The following PTPRM variants were observed in gnomAD, a reference collection of about 807,000 sequenced individuals.
The protein encoded by PTPRM is protein tyrosine phosphatase receptor type M.
PTPRM carries 47 observed loss-of-function variants against 186.7 expected under a neutral mutation model. The ratio of observed to expected loss-of-function variants is 0.25; its 90% confidence interval spans 0.20 to 0.32. PTPRM has a LOEUF of 0.32. Ranked by LOEUF, PTPRM falls within the 10% of genes least tolerant of loss-of-function variation. The pLI, the probability that PTPRM is intolerant of heterozygous loss-of-function variation, is 1.00. For synonymous variants in PTPRM, 668 were observed against 674.9 expected, an observed-to-expected ratio of 0.99 and a Z score of 0.16; for missense variants, 1,494 against 1,865.0, an observed-to-expected ratio of 0.80 and a Z score of 3.66.
intron 7 of PTPRM, among the ~76,000 whole-genome samples, chr18:8,036,161 G>T (rs185445114): frequency 1.3e-5 from 2 of 152,210 alleles, no homozygotes; most frequent in Non-Finnish European, 2.9e-5. Context: ...CTCACATGGC[G>T]TCGGGGTAAC....
chr18:7,813,815 G>A (rs2044660041), intron 2 of PTPRM, among the ~76,000 whole-genome samples: 1 of 150,156 alleles, frequency 6.7e-6, no homozygotes, highest in South Asian at 2.1e-4. Context: ...CTTTGGCTCT[G>A]TCTTCTAGAT....
At chr18:8,239,242 G>A (rs993652485) in intron 14 of PTPRM, among the ~76,000 whole-genome samples, 1 of 146,194 alleles carries the variant, frequency 6.8e-6, no homozygotes, top group Non-Finnish European at 1.5e-5. Flanking sequence ...GAGAATATGC[G>A]GTGTTTGGTT....
intron 14 of PTPRM, among the ~76,000 whole-genome samples, chr18:8,208,847 G>T (rs2093964454): frequency 6.6e-6 from 1 of 152,210 alleles, no homozygotes; most frequent in Non-Finnish European, 1.5e-5. Context: ...TCATAAAGAG[G>T]AAGGAAGCCA....
intron 1 of PTPRM, among the ~76,000 whole-genome samples, chr18:7,756,921 C>T (rs982364707): frequency 6.6e-6 from 1 of 152,174 alleles, no homozygotes; most frequent in Admixed American, 6.5e-5. Context: ...CCTTCCTGCC[C>T]AGTGTGGACC....
chr18:8,180,317 C>T (rs1215851795), intron 14 of PTPRM, among the ~76,000 whole-genome samples: 2 of 152,208 alleles, frequency 1.3e-5, no homozygotes. Flanking sequence ...GGATCTGCAG[C>T]AACCTCAGTT....
intron 14 of PTPRM, among the ~76,000 whole-genome samples, chr18:8,147,766 GAT>G (rs1258320303): frequency 2.6e-5 from 4 of 152,190 alleles, no homozygotes; most frequent in African/African-American, 7.2e-5. Flanking sequence ...CATTCACTAT[GAT>G]ATTGGCTGTG....
At chr18:7,631,640 T>G (rs2038194151) in intron 1 of PTPRM, among the ~76,000 whole-genome samples, 1 of 152,142 alleles carries the variant, frequency 6.6e-6, no homozygotes, top group Non-Finnish European at 1.5e-5. Flanking sequence ...CATTATGATT[T>G]TTTTTGCAAT....
At chr18:7,964,174 A>G (rs2053865491) in intron 7 of PTPRM, among the ~76,000 whole-genome samples, 1 of 152,228 alleles carries the variant, frequency 6.6e-6, no homozygotes, top group Non-Finnish European at 1.5e-5. Flanking sequence ...CTGGGGTCCT[A>G]TGCATAATCT....
At chr18:7,629,587 G>A (rs929445095) in intron 1 of PTPRM, among the ~76,000 whole-genome samples, 2 of 152,158 alleles carry the variant, frequency 1.3e-5, no homozygotes, top group African/African-American at 4.8e-5. Context: ...GAACTGAAAG[G>A]TCAGCTTTGT....
intron 23 of PTPRM, among the ~76,000 whole-genome samples, chr18:8,355,146 A>G (rs2095556856): frequency 6.6e-6 from 1 of 152,124 alleles, no homozygotes; most frequent in Non-Finnish European, 1.5e-5. Context: ...AAGACAAATT[A>G]AGTGTGTCCC....
chr18:8,102,995 A>G (rs2091358712), intron 11 of PTPRM, among the ~76,000 whole-genome samples: 1 of 152,184 alleles, frequency 6.6e-6, no homozygotes, highest in Non-Finnish European at 1.5e-5. Flanking sequence ...GATCAAGTGC[A>G]TTGTCAAATG....
intron 4 of PTPRM, among the ~76,000 whole-genome samples, chr18:7,926,198 ATATC>A (rs2146795967): frequency 6.6e-6 from 1 of 152,310 alleles, no homozygotes. Context: ...GCTGGTATAA[ATATC>A]TAATATGTTT....
chr18:8,020,683 T>A (rs575992505), intron 7 of PTPRM, among the ~76,000 whole-genome samples: 1 of 152,302 alleles, frequency 6.6e-6, no homozygotes, highest in East Asian at 1.9e-4. Flanking sequence ...CAATCATGGT[T>A]TATTGATATT....
At chr18:7,858,000 C>T (rs2047174803) in intron 2 of PTPRM, among the ~76,000 whole-genome samples, 1 of 152,142 alleles carries the variant, frequency 6.6e-6, no homozygotes, top group Non-Finnish European at 1.5e-5. Context: ...TCATTTGAAT[C>T]TTTCTAATTT....
At chr18:8,282,482 G>A (rs2094914046) in intron 19 of PTPRM, among the ~76,000 whole-genome samples, 1 of 152,140 alleles carries the variant, frequency 6.6e-6, no homozygotes, top group Admixed American at 6.5e-5. Flanking sequence ...GGCCAACATG[G>A]TGAAACCCTG....
At chr18:8,158,451 C>T (rs1308651741) in intron 14 of PTPRM, among the ~76,000 whole-genome samples, 2 of 152,060 alleles carry the variant, frequency 1.3e-5, no homozygotes, top group Non-Finnish European at 2.9e-5. Context: ...TTATCGAATC[C>T]AGGAATTCAA....
intron 2 of PTPRM, among the ~76,000 whole-genome samples, chr18:7,825,148 G>T (rs1460369615): frequency 6.6e-6 from 1 of 152,166 alleles, no homozygotes; most frequent in Admixed American, 6.5e-5. Context: ...CGGGAGCCAG[G>T]AGGCTGAACT....
intron 1 of PTPRM, among the ~76,000 whole-genome samples, chr18:7,669,138 TAGGAAAGAA>T (rs2039161209): frequency 6.6e-6 from 1 of 151,972 alleles, no homozygotes; most frequent in African/African-American, 2.4e-5. Flanking sequence ...CCTTGAAACC[TAGGAAAGAA>T]AGGGCAGGGA....
chr18:7,969,491 A>G (rs1475045239), intron 7 of PTPRM, among the ~76,000 whole-genome samples: 4 of 148,638 alleles, frequency 2.7e-5, no homozygotes, highest in Non-Finnish European at 4.4e-5. Context: ...GACACAAAAA[A>G]CCCTTCAAAA....
Sources: gnomAD v4.1 joint callset for allele counts (sites outside exome capture counted in the v4.1 genomes callset) on GRCh38, gnomAD v4.1.1 for gene constraint, MANE v1.5 for transcripts, NCBI Gene and HGNC (gene_info 2026-07-23, HGNC 2026-07-21) for gene names.